The following KSR2 variants were observed in gnomAD, a reference collection of about 807,000 sequenced individuals.
KSR2 encodes the protein kinase suppressor of ras 2.
A neutral mutation model predicts 107.8 loss-of-function variants in KSR2; 25 were observed. The ratio of observed to expected loss-of-function variants is 0.23; its 90% confidence interval spans 0.17 to 0.32. KSR2 has a LOEUF of 0.32. KSR2 is among the 10% of genes least tolerant of loss of function. KSR2 has a pLI of 1.00. For missense variants in KSR2, 887 were observed against 1,268.9 expected (o/e 0.70, Z 4.57); for synonymous variants, 480 against 507.0 (o/e 0.95, Z 0.71).
intron 1 of KSR2, among the ~76,000 whole-genome samples, chr12:117,939,836 G>A (rs1415215757): frequency 6.6e-6 from 1 of 151,822 alleles, no homozygotes. Flanking sequence ...AGCTACTCAG[G>A]AGGCTGAGGT....
At chr12:117,938,442 C>G (rs1291870368) in intron 1 of KSR2, among the ~76,000 whole-genome samples, 1 of 151,944 alleles carries the variant, frequency 6.6e-6, no homozygotes, top group East Asian at 1.9e-4. Context: ...TCGCTTGAGT[C>G]CAGAGGTTCG....
intron 5 of KSR2, among the ~76,000 whole-genome samples, chr12:117,620,784 G>A (rs1361522913): frequency 6.6e-6 from 1 of 152,000 alleles, no homozygotes; most frequent in East Asian, 1.9e-4. Flanking sequence ...CTTTTTTTCT[G>A]ATTACGCCAT....
chr12:117,885,275 T>C (rs1398211000), intron 1 of KSR2, among the ~76,000 whole-genome samples: 1 of 152,198 alleles, frequency 6.6e-6, no homozygotes, highest in African/African-American at 2.4e-5. Context: ...GCTTTCTACG[T>C]AGAAGGCATG....
intron 14 of KSR2, among the ~76,000 whole-genome samples, chr12:117,521,129 C>A (rs1341137136): frequency 1.3e-5 from 2 of 152,338 alleles, no homozygotes; most frequent in East Asian, 3.9e-4. Flanking sequence ...ACCTTCTCCC[C>A]TTTGCCCTCA....
At chr12:117,875,666 T>C (rs1006086891) in intron 1 of KSR2, among the ~76,000 whole-genome samples, 3 of 152,188 alleles carry the variant, frequency 2.0e-5, no homozygotes, top group African/African-American at 4.8e-5. Context: ...CTCCAGCCTT[T>C]GAACTTGCTT....
chr12:117,523,201 T>C (rs1167149991), intron 14 of KSR2, among the ~76,000 whole-genome samples: 2 of 152,186 alleles, frequency 1.3e-5, no homozygotes, highest in Non-Finnish European at 2.9e-5. Context: ...TTCTCATAAG[T>C]GGACTTAAGA....
intron 4 of KSR2, among the ~76,000 whole-genome samples, chr12:117,733,709 C>T (rs927109825): frequency 2.0e-5 from 3 of 151,986 alleles, no homozygotes; most frequent in South Asian, 2.1e-4. Flanking sequence ...TTTAGGTGCC[C>T]GAATCTTACT....
chr12:117,901,541 A>G (rs1894684421), intron 1 of KSR2, among the ~76,000 whole-genome samples: 2 of 152,158 alleles, frequency 1.3e-5, no homozygotes, highest in African/African-American at 2.4e-5. Flanking sequence ...GACTTCAGGC[A>G]ATTGGCTTGC....
intron 14 of KSR2, among the ~76,000 whole-genome samples, chr12:117,510,877 CAAA>C (rs58668449): frequency 0.011 from 1,140 of 103,140 alleles, 16 homozygotes; most frequent in East Asian, 0.083. Context: ...GACCCTGTCT[CAAA>C]AAAAAAAAAA....
At chr12:117,834,089 C>T (rs1014221870) in intron 3 of KSR2, among the ~76,000 whole-genome samples, 4 of 151,062 alleles carry the variant, frequency 2.6e-5, no homozygotes, top group African/African-American at 9.8e-5. Context: ...TGCAGTGAGC[C>T]AAGATCAGGC....
chr12:117,840,103 TTA>T lies in KSR2; in HGVS notation c.472+15323_472+15324del, dbSNP rs1273080937. Among the ~76,000 whole-genome samples the T allele has an allele frequency of 2.3e-5, 3 of 129,622 alleles. 1 individual carries two copies. Among genetic ancestry groups the T allele is most frequent in the African/African-American group, 9.0e-5 (3 of 33,352 alleles). The allele number at this position is 129,622 out of a possible 152,430, so 85.0% of individuals were successfully genotyped here. A position where few individuals can be genotyped will look rare whatever the true frequency, so the allele number is the denominator to read the frequency against. On this transcript the variant is annotated intron_variant, in intron 3 of 19. Transcript: ENST00000339824. ...TTATTTTATTTTACTTTATTTTATT[TTA>T]TTTTTTTTTTTGAGATGGAGTCTCC... is the stretch of plus-strand genomic sequence containing the variant.
chr12:117,663,878 C>A (rs1042041478), intron 5 of KSR2, among the ~76,000 whole-genome samples: 1 of 152,144 alleles, frequency 6.6e-6, no homozygotes, highest in Non-Finnish European at 1.5e-5. Context: ...AAAGATGATC[C>A]ACTGGTGAAG....
intron 3 of KSR2, among the ~76,000 whole-genome samples, chr12:117,780,814 C>T (rs1023995772): frequency 6.6e-6 from 1 of 152,150 alleles, no homozygotes. Context: ...CTTGGACATA[C>T]AATGTCTAGC....
At chr12:117,733,344 C>G (rs941259681) in intron 4 of KSR2, among the ~76,000 whole-genome samples, 4 of 152,156 alleles carry the variant, frequency 2.6e-5, no homozygotes, top group African/African-American at 9.7e-5. Context: ...GGCCATGATG[C>G]CTGCTATTCT....
chr12:117,473,814 A>G (rs927032175), intron 17 of KSR2, among the ~76,000 whole-genome samples: 1 of 152,228 alleles, frequency 6.6e-6, no homozygotes, highest in Admixed American at 6.5e-5. Flanking sequence ...TCTAGAGTAC[A>G]GGATATTCCA....
intron 10 of KSR2, among the ~76,000 whole-genome samples, chr12:117,533,924 C>T (rs922886490): frequency 4.6e-5 from 7 of 152,168 alleles, no homozygotes; most frequent in African/African-American, 1.7e-4. Flanking sequence ...GAAAGGGAAA[C>T]ATATGACCAG....
intron 4 of KSR2, among the ~76,000 whole-genome samples, chr12:117,729,724 C>A (rs1033533821): frequency 1.3e-5 from 2 of 151,930 alleles, no homozygotes; most frequent in Non-Finnish European, 2.9e-5. Context: ...ATTCATTTGA[C>A]AAACATTCAT....
intron 14 of KSR2, among the ~76,000 whole-genome samples, chr12:117,492,678 TTGAGATAGACAGATTATCC>T (rs1872808377): frequency 6.6e-6 from 1 of 152,222 alleles, no homozygotes; most frequent in South Asian, 2.1e-4. Flanking sequence ...AGTCATACTC[TTGAGATAGACAGATTATCC>T]TGGATTAGCC....
intron 1 of KSR2, among the ~76,000 whole-genome samples, chr12:117,888,647 C>T (rs1357344665): frequency 6.6e-6 from 1 of 152,240 alleles, no homozygotes; most frequent in African/African-American, 2.4e-5. Context: ...TGGCCGTCTG[C>T]AAGCCAAGAA....
Sources: gnomAD v4.1 joint callset for allele counts (sites outside exome capture counted in the v4.1 genomes callset) on GRCh38, gnomAD v4.1.1 for gene constraint, MANE v1.5 for transcripts, NCBI Gene and HGNC (gene_info 2026-07-23, HGNC 2026-07-21) for gene names.